The following TMEM217 variants were observed in gnomAD, a reference collection of about 807,000 sequenced individuals.
The protein encoded by TMEM217 is chromosome 6 open reading frame 128.
For missense variants in TMEM217, 204 were observed against 248.8 expected, an observed-to-expected ratio of 0.82 and a Z score of 1.21; for synonymous variants, 76 against 88.3, an observed-to-expected ratio of 0.86 and a Z score of 0.78.
intron 1 of TMEM217, among the ~76,000 whole-genome samples, chr6:37,227,824 T>TA (rs1272375520): frequency 6.6e-6 from 1 of 152,000 alleles, no homozygotes; most frequent in African/African-American, 2.4e-5. Flanking sequence ...GTGAAGTAAA[T>TA]ATTTTAATTT....
At chr6:37,226,735 T>G (rs1763867052) in intron 1 of TMEM217, among the ~76,000 whole-genome samples, 1 of 151,966 alleles carries the variant, frequency 6.6e-6, no homozygotes, top group African/African-American at 2.4e-5. Flanking sequence ...CTAATTTTTT[T>G]GTATTTTTAG....
intron 1 of TMEM217, among the ~76,000 whole-genome samples, chr6:37,244,591 T>C (rs1332242436): frequency 1.3e-5 from 2 of 152,202 alleles, no homozygotes; most frequent in Admixed American, 6.5e-5. Context: ...GTGCCAACTC[T>C]TGGCTGATTT....
At chr6:37,255,612 A>C (rs1765672685) in intron 1 of TMEM217, among the ~76,000 whole-genome samples, 1 of 151,422 alleles carries the variant, frequency 6.6e-6, no homozygotes. Context: ...TGAGCCCAGG[A>C]GATGGAGGTT....
intron 1 of TMEM217, among the ~76,000 whole-genome samples, chr6:37,230,152 C>G (rs143509819): frequency 2.0e-5 from 3 of 152,234 alleles, no homozygotes; most frequent in African/African-American, 7.2e-5. Context: ...GTCCTTCTCA[C>G]GCTTGGAATT....
chr6:37,240,105 T>G (rs1764688831), intron 1 of TMEM217, among the ~76,000 whole-genome samples: 1 of 152,222 alleles, frequency 6.6e-6, no homozygotes, highest in Admixed American at 6.5e-5. Flanking sequence ...TTTAAGTATG[T>G]GTGACTGTTT....
chr6:37,257,790 C>G (rs1291789968), exon 1 of TMEM217: 1 of 1,025,582 alleles, frequency 9.8e-7, no homozygotes, highest in East Asian at 2.6e-5. Flanking sequence ...GATGGCGTCC[C>G]CAGGAGCTGG....
At chr6:37,215,570 C>CGAAAAAAAAAAAAAAAAAAAAAAAAAAAA (rs1763146807), downstream of TMEM217, among the ~76,000 whole-genome samples, 2 of 72,376 alleles carry the variant, frequency 2.8e-5, no homozygotes, top group African/African-American at 6.0e-5. Context: ...GACTCTGTCT[C>CGAAAAAAAAAAAAAAAAAAAAAAAAAAAA]AAAAAAAAAA....
chr6:37,239,842 C>T (rs1330286623), intron 1 of TMEM217, among the ~76,000 whole-genome samples: 2 of 151,124 alleles, frequency 1.3e-5, no homozygotes, highest in Non-Finnish European at 2.9e-5. Flanking sequence ...ATCACTTAAG[C>T]CCAGGGGTTT....
At chr6:37,218,984 A>C in exon 2 of TMEM217, 1 of 1,614,150 alleles carries the variant, frequency 6.2e-7, no homozygotes, top group Non-Finnish European at 8.5e-7. Flanking sequence ...CCCTGACAAC[A>C]CGGTGCCCAT....
downstream of TMEM217, chr6:37,212,723 A>G: frequency 1.5e-6 from 1 of 659,984 alleles, no homozygotes; most frequent in Non-Finnish European, 2.8e-6. Flanking sequence ...AGCCCCATGT[A>G]GATATTCTTG....
chr6:37,254,925 A>G (rs556502889), intron 1 of TMEM217, among the ~76,000 whole-genome samples: 76 of 152,308 alleles, frequency 5.0e-4, no homozygotes, highest in Admixed American at 1.2e-3. Context: ...TTAGATTCTC[A>G]TAAGGAGTGC....
downstream of TMEM217, chr6:37,215,076 G>C: frequency 7.6e-7 from 1 of 1,323,442 alleles, no homozygotes; most frequent in South Asian, 1.4e-5. Flanking sequence ...CCACAGCTCT[G>C]CTGCCCCAGC....
downstream of TMEM217, among the ~76,000 whole-genome samples, chr6:37,213,950 G>A (rs905698366): frequency 4.6e-5 from 7 of 152,294 alleles, no homozygotes; most frequent in East Asian, 3.9e-4. Flanking sequence ...TCAGGCTGAC[G>A]AATGTCCAAT....
intron 1 of TMEM217, among the ~76,000 whole-genome samples, chr6:37,240,478 C>T (rs952134618): frequency 3.9e-5 from 6 of 152,120 alleles, no homozygotes; most frequent in Admixed American, 1.3e-4. Context: ...CACTGGCTTC[C>T]CCCAGAGTAA....
At chr6:37,257,793 G>A in exon 1 of TMEM217, 1 of 1,049,856 alleles carries the variant, frequency 9.5e-7, no homozygotes, top group Non-Finnish European at 1.4e-6. Flanking sequence ...GGCGTCCCCA[G>A]GAGCTGGGAG....
At chr6:37,218,107 T>C in exon 2 of TMEM217, 1 of 1,037,822 alleles carries the variant, frequency 9.6e-7, no homozygotes, top group Non-Finnish European at 1.2e-6. Context: ...CTGAGAGACC[T>C]ACCTCTTATG....
chr6:37,218,320 C>T (rs993334627), exon 2 of TMEM217: 22 of 1,159,852 alleles, frequency 1.9e-5, no homozygotes, highest in Admixed American at 8.5e-5. Flanking sequence ...AGGTGTGTGC[C>T]GCCACGCCTG....
intron 1 of TMEM217, among the ~76,000 whole-genome samples, chr6:37,251,342 A>T (rs1310330109): frequency 2.6e-5 from 4 of 152,272 alleles, no homozygotes; most frequent in Non-Finnish European, 5.9e-5. Context: ...GCCTGAATGG[A>T]CTAAGACAGT....
downstream of TMEM217, chr6:37,215,431 T>C: frequency 9.8e-7 from 1 of 1,017,726 alleles, no homozygotes; most frequent in Non-Finnish European, 1.3e-6. Flanking sequence ...AAAAATTAGC[T>C]GGGCATGGTG....
Sources: gnomAD v4.1 joint callset for allele counts (sites outside exome capture counted in the v4.1 genomes callset) on GRCh38, gnomAD v4.1.1 for gene constraint, MANE v1.5 for transcripts, NCBI Gene and HGNC (gene_info 2026-07-23, HGNC 2026-07-21) for gene names.